Variants in RSF1 observed in about 807,000 individuals in gnomAD.
The protein encoded by RSF1 is HBV pX-associated protein 8.
In RSF1, 13 loss-of-function variants were observed where a neutral mutation model predicts 145.2. The observed-to-expected ratio is 0.09, with a 90% confidence interval of 0.06 to 0.14. RSF1 has a LOEUF of 0.14. Among genes scored for constraint, RSF1 ranks in the 10% least tolerant of loss-of-function variants. The probability of loss-of-function intolerance (pLI) is 1.00; values close to 1 mark genes in which losing one functional copy is unlikely to be tolerated. For missense variants in RSF1, 1,517 were observed against 1,718.2 expected, an observed-to-expected ratio of 0.88 and a Z score of 2.07; for synonymous variants, 577 against 592.6, an observed-to-expected ratio of 0.97 and a Z score of 0.38.
chr11:77,674,282 T>C (rs921861915), intron 14 of RSF1, among the ~76,000 whole-genome samples: 1 of 152,234 alleles, frequency 6.6e-6, no homozygotes, highest in Non-Finnish European at 1.5e-5. Context: ...ATGACACCTA[T>C]CAATTTGCCA....
intron 1 of RSF1, among the ~76,000 whole-genome samples, chr11:77,767,513 T>C (rs1565174500): frequency 6.6e-6 from 1 of 152,232 alleles, no homozygotes; most frequent in Non-Finnish European, 1.5e-5. Context: ...TCTGCAATTC[T>C]TCTCTCTTAC....
At chr11:77,690,161 C>CAAA (rs112481534) in intron 9 of RSF1, among the ~76,000 whole-genome samples, 22 of 88,532 alleles carry the variant, frequency 2.5e-4, no homozygotes, top group Admixed American at 4.6e-4. Flanking sequence ...GACTCCATCT[C>CAAA]AAAAAAAAAA....
intron 4 of RSF1, among the ~76,000 whole-genome samples, chr11:77,739,872 T>C (rs1590860673): frequency 6.6e-6 from 1 of 152,188 alleles, no homozygotes; most frequent in Non-Finnish European, 1.5e-5. Flanking sequence ...TTCATGGTTA[T>C]ATATTAAATG....
chr11:77,714,923 A>G (rs1162759726), intron 5 of RSF1, among the ~76,000 whole-genome samples: 4 of 152,180 alleles, frequency 2.6e-5, no homozygotes, highest in Admixed American at 2.6e-4. Context: ...CAGGAGTCTA[A>G]GACTGGGCAA....
At chr11:77,834,089 T>C in the RSF1 span, among the ~76,000 whole-genome samples, 2 of 152,260 alleles carry the variant, frequency 1.3e-5, no homozygotes, top group Non-Finnish European at 2.9e-5. Context: ...CTGTTTTTTA[T>C]GGTGCTTTAA....
At chr11:77,705,218 C>T (rs1960519966) in intron 5 of RSF1, among the ~76,000 whole-genome samples, 1 of 152,048 alleles carries the variant, frequency 6.6e-6, no homozygotes, top group Admixed American at 6.6e-5. Flanking sequence ...AAGCATTTTC[C>T]CAAAGTTTGT....
At chr11:77,770,186 G>A (rs1457257745) in intron 1 of RSF1, among the ~76,000 whole-genome samples, 1 of 152,196 alleles carries the variant, frequency 6.6e-6, no homozygotes, top group African/African-American at 2.4e-5. Context: ...AGAGAGGCTG[G>A]GTGTGGTGGC....
chr11:77,756,782 T>G (rs980749520), intron 2 of RSF1, among the ~76,000 whole-genome samples: 14 of 152,186 alleles, frequency 9.2e-5, no homozygotes, highest in African/African-American at 3.4e-4. Context: ...ATTGCAGTAA[T>G]TATTCTGGAG....
the RSF1 span, among the ~76,000 whole-genome samples, chr11:77,871,701 C>G: frequency 6.6e-6 from 1 of 152,074 alleles, no homozygotes; most frequent in East Asian, 1.9e-4. Context: ...AGCTAGCATG[C>G]GGCAAAGAAG....
At chr11:77,792,452 C>A (rs1948526853) in intron 1 of RSF1, among the ~76,000 whole-genome samples, 1 of 152,184 alleles carries the variant, frequency 6.6e-6, no homozygotes, top group African/African-American at 2.4e-5. Flanking sequence ...CTGGCTAACA[C>A]TGGTGCTGGT....
Position 77,675,288 on chromosome 11 carries a change from G to A in RSF1, c.3342-32C>T, listed in dbSNP as rs748069240. 3 of 1,554,118 alleles carry A rather than the reference G, an allele frequency of 1.9e-6. No individual in the cohort carries two copies. In the South Asian group the frequency reaches 3.6e-5, roughly 19 times the overall value. On this transcript the variant is annotated intron_variant, in intron 13 of 15. Coordinates refer to ENST00000308488, the MANE Select transcript of RSF1 (RefSeq NM_016578.4). Reference sequence around the variant, plus strand: ...AAGAGAAATCAGATAAAATACAATGGTATTTAGAAGAGTGAACCCATTTTT... The same window carrying A: ...AAGAGAAATCAGATAAAATACAATGATATTTAGAAGAGTGAACCCATTTTT...
rs1959297560 is a variant in RSF1 at position 77,663,961 on chromosome 11, A to G, written c.*2956T>C. ...TAAAGGGCTCTATTATGTAGCAGCT[A>G]TTTTGAGTCTAAATCCATGGTTAGT... is the stretch of plus-strand genomic sequence containing the variant. On this transcript the variant is annotated 3_prime_UTR_variant, in exon 16 of 16. Coordinates refer to ENST00000308488, the MANE Select transcript of RSF1 (RefSeq NM_016578.4). 1 of 152,176 alleles carries G rather than the reference A, an allele frequency of 6.6e-6. No homozygotes were observed. Among genetic ancestry groups the G allele is most frequent in the African/African-American group, 2.4e-5 (1 of 41,438 alleles). 9.4% of individuals were successfully genotyped at this position (152,176 alleles called of 1,614,324 possible). A position where few individuals can be genotyped will look rare whatever the true frequency, so the allele number is the denominator to read the frequency against.
Position 77,666,650 on chromosome 11 carries a change from A to C in RSF1, c.*267T>G, listed in dbSNP as rs1161590725. The C allele has an allele frequency of 3.6e-6, 1 of 279,194 alleles. No individual in the cohort carries two copies. Among genetic ancestry groups the C allele is most frequent in the African/African-American group, 2.2e-5 (1 of 45,710 alleles). The allele number at this position is 279,194 out of a possible 1,614,324, so 17.3% of individuals were successfully genotyped here. On this transcript the variant is annotated 3_prime_UTR_variant, in exon 16 of 16. Transcript: ENST00000308488. Reference sequence around the variant, plus strand: ...CAAAAATATACAAATCTTTGTTGTTATTATAATAAGATTTTTTTCCATGAA... The same window carrying C: ...CAAAAATATACAAATCTTTGTTGTTCTTATAATAAGATTTTTTTCCATGAA...
chr11:77,781,843 T>C (rs2135957250), intron 1 of RSF1, among the ~76,000 whole-genome samples: 1 of 152,348 alleles, frequency 6.6e-6, no homozygotes, highest in East Asian at 1.9e-4. Context: ...TCATGTGTTT[T>C]AAAGCTCTGC....
intron 4 of RSF1, among the ~76,000 whole-genome samples, chr11:77,725,951 G>A (rs1441363252): frequency 6.6e-6 from 1 of 151,966 alleles, no homozygotes; most frequent in Non-Finnish European, 1.5e-5. Flanking sequence ...ATATCTCTTG[G>A]GTTGAAAAGA....
Position 77,682,957 on chromosome 11 carries a change from G to C in RSF1, c.3065+753C>G, listed in dbSNP as rs372107240. On this transcript the variant is annotated intron_variant, in intron 11 of 15. Transcript: ENST00000308488. ...TGATAAGATAGAGTTGGAGAGGGAA[G>C]TAGAGATGAGACTATGCAGTGCCTT... 4.6e-5 allele frequency among the ~76,000 whole-genome samples: 7 copies of C among 152,332 alleles called. No individual in the cohort carries two copies. In the East Asian group the frequency reaches 1.3e-3, roughly 29 times the overall value.
chr11:77,816,442 T>C (rs1948782799), intron 1 of RSF1, among the ~76,000 whole-genome samples: 1 of 152,236 alleles, frequency 6.6e-6, no homozygotes, highest in Admixed American at 6.5e-5. Context: ...TTAACTTTGA[T>C]ATTTTCACTT....
At chr11:77,830,776 G>C in the RSF1 span, among the ~76,000 whole-genome samples, 1 of 151,832 alleles carries the variant, frequency 6.6e-6, no homozygotes, top group South Asian at 2.1e-4. Context: ...TATACAAATA[G>C]CCAACAAGCA....
intron 1 of RSF1, among the ~76,000 whole-genome samples, chr11:77,793,716 T>C (rs913974619): frequency 6.6e-6 from 1 of 152,158 alleles, no homozygotes; most frequent in Non-Finnish European, 1.5e-5. Flanking sequence ...TCTGGCTGGC[T>C]AGGCAGGTAT....
Sources: allele counts gnomAD v4.1 joint callset (sites outside exome capture counted in the v4.1 genomes callset), GRCh38; gene constraint gnomAD v4.1.1; transcripts MANE v1.5; gene names NCBI Gene and HGNC (gene_info 2026-07-23, HGNC 2026-07-21).